SNX29: variants seen among roughly 807,000 people sequenced by gnomAD.
The protein encoded by SNX29 is sorting nexin-29.
A neutral mutation model predicts 102.1 loss-of-function variants in SNX29; 78 were observed. That is an observed-to-expected ratio of 0.76 (90% confidence interval 0.64 to 0.92). The LOEUF (loss-of-function observed/expected upper bound fraction) is 0.92. Ranked by LOEUF, SNX29 falls within the 40% of genes least tolerant of loss-of-function variation. SNX29 has a pLI of 0.00. For synonymous variants in SNX29, 580 were observed against 414.5 expected (o/e 1.40, Z -4.85); for missense variants, 1,280 against 1,061.7 (o/e 1.21, Z -2.86).
At position 12,454,244 on chromosome 16, in the gene SNX29, A is replaced by C. The variant is rs1035322266; in HGVS notation, c.2038-23475A>C. On this transcript the variant is annotated intron_variant, in intron 18 of 20. Coordinates refer to ENST00000566228, the MANE Select transcript of SNX29 (RefSeq NM_032167.5). ...GCCATGTGGTAACCTGGGGGATGGC[A>C]ACTCTGCAGCTAAGATCGCAGAGCA... is the stretch of plus-strand genomic sequence containing the variant. 4.6e-5 allele frequency among the ~76,000 whole-genome samples: 7 copies of C among 152,298 alleles called. No homozygotes were observed. The South Asian group carries it at 1.5e-3, about 32-fold the overall frequency.
At chr16:12,284,223 C>T (rs1007812709) in intron 15 of SNX29, among the ~76,000 whole-genome samples, 20 of 152,238 alleles carry the variant, frequency 1.3e-4, no homozygotes, top group Admixed American at 8.5e-4. Flanking sequence ...GCACATGTAT[C>T]GCGTGTCAGA....
chr16:12,481,975 G>C (rs1160175345), intron 19 of SNX29, among the ~76,000 whole-genome samples: 1 of 152,202 alleles, frequency 6.6e-6, no homozygotes, highest in Non-Finnish European at 1.5e-5. Flanking sequence ...AAGGAGGATT[G>C]AGTCAAGATT....
chr16:12,201,977 C>G (rs1567306036), intron 14 of SNX29, among the ~76,000 whole-genome samples: 1 of 152,134 alleles, frequency 6.6e-6, no homozygotes, highest in Non-Finnish European at 1.5e-5. Context: ...TTCATAGCAG[C>G]TGAAGGTCCA....
At chr16:12,535,864 G>T (rs535607101) in intron 20 of SNX29, among the ~76,000 whole-genome samples, 6 of 152,256 alleles carry the variant, frequency 3.9e-5, no homozygotes, top group Admixed American at 3.9e-4. Flanking sequence ...AGCCCTATTG[G>T]TGCTGTCCAA....
At chr16:12,496,823 A>T (rs1185375069) in intron 19 of SNX29, among the ~76,000 whole-genome samples, 1 of 152,128 alleles carries the variant, frequency 6.6e-6, no homozygotes, top group Non-Finnish European at 1.5e-5. Context: ...ATTTTGGAGC[A>T]GGTGATTTTT....
intron 15 of SNX29, among the ~76,000 whole-genome samples, chr16:12,323,532 A>AT (rs2151185127): frequency 6.6e-6 from 1 of 151,140 alleles, no homozygotes; most frequent in African/African-American, 2.4e-5. Context: ...AAAAAAAAAA[A>AT]TGGTGAACAA....
chr16:12,212,255 T>A (rs7194120), intron 14 of SNX29, among the ~76,000 whole-genome samples: 26,570 of 152,078 alleles, frequency 0.17, 4,794 homozygotes, highest in African/African-American at 0.46. Context: ...TTGTGTGCCA[T>A]GAGTCACATG....
At chr16:12,165,217 G>A (rs1290368660) in intron 13 of SNX29, among the ~76,000 whole-genome samples, 1 of 152,226 alleles carries the variant, frequency 6.6e-6, no homozygotes, top group Non-Finnish European at 1.5e-5. Flanking sequence ...TGGAATCTCT[G>A]TTGCTCATGT....
intron 14 of SNX29, among the ~76,000 whole-genome samples, chr16:12,207,127 G>C (rs556735199): frequency 6.6e-6 from 1 of 152,162 alleles, no homozygotes; most frequent in East Asian, 1.9e-4. Context: ...CCAGCATTTC[G>C]GGAGGCCAAG....
At chr16:12,282,605 C>T (rs1431170377) in intron 15 of SNX29, among the ~76,000 whole-genome samples, 1 of 152,190 alleles carries the variant, frequency 6.6e-6, no homozygotes. Context: ...AATGTGAGTC[C>T]TAGAACCTCA....
chr16:12,548,939 G>A (rs2077785782), intron 20 of SNX29, among the ~76,000 whole-genome samples: 1 of 152,186 alleles, frequency 6.6e-6, no homozygotes, highest in Admixed American at 6.5e-5. Flanking sequence ...GCTATGGCCT[G>A]GCATTTAGGG....
chr16:12,320,488 G>A (rs1345230668), intron 15 of SNX29, among the ~76,000 whole-genome samples: 1 of 152,226 alleles, frequency 6.6e-6, no homozygotes, highest in Non-Finnish European at 1.5e-5. Flanking sequence ...GGGAAGCAGA[G>A]GTCAGAGGCT....
chr16:12,569,734 C>G lies in SNX29; in HGVS notation c.*1105C>G. On this transcript the variant is annotated 3_prime_UTR_variant, in exon 21 of 21. Transcript: ENST00000566228. ...TGGGGACCAGCAGCTGGGCAGCCCC[C>G]AGGGCTCCTCCTCCAGTGAGCTCAC... The G allele has an allele frequency of 4.3e-6, 1 of 230,630 alleles. No homozygotes were observed. The allele number at this position is 230,630 out of a possible 1,614,324, so 14.3% of individuals were successfully genotyped here. A position where few individuals can be genotyped will look rare whatever the true frequency, so the allele number is the denominator to read the frequency against.
At chr16:12,093,057 G>A (rs1267066573) in intron 11 of SNX29, among the ~76,000 whole-genome samples, 1 of 152,148 alleles carries the variant, frequency 6.6e-6, no homozygotes, top group African/African-American at 2.4e-5. Context: ...GCTGTCTTAT[G>A]GAGTTTGTAG....
intron 14 of SNX29, among the ~76,000 whole-genome samples, chr16:12,272,681 A>T (rs1267218150): frequency 6.6e-6 from 1 of 152,108 alleles, no homozygotes; most frequent in East Asian, 1.9e-4. Context: ...GTACATAGAT[A>T]AAGTCATTGG....
At position 12,025,314 on chromosome 16, in the gene SNX29, A is replaced by AG. The variant is rs1340421250; in HGVS notation, c.123-2006_123-2005insG. ...CAAAACTCCATCTCAAAAAAAAAAA[A>AG]AAAAAAAAAAGTGCCTGTGTGTACA... On this transcript the variant is annotated intron_variant, in intron 3 of 20. Coordinates refer to ENST00000566228, the MANE Select transcript of SNX29 (RefSeq NM_032167.5). Among the ~76,000 whole-genome samples, 5 of 151,308 alleles carry AG rather than the reference A, an allele frequency of 3.3e-5. No homozygotes were observed. The East Asian group carries it at 9.7e-4, about 29-fold the overall frequency.
intron 14 of SNX29, among the ~76,000 whole-genome samples, chr16:12,211,120 A>G (rs1192332358): frequency 6.6e-6 from 1 of 152,172 alleles, no homozygotes; most frequent in African/African-American, 2.4e-5. Context: ...TGATTTGTGC[A>G]GAGTACAAGG....
intron 20 of SNX29, among the ~76,000 whole-genome samples, chr16:12,548,432 A>AT (rs2077746910): frequency 6.6e-6 from 1 of 152,170 alleles, no homozygotes; most frequent in Non-Finnish European, 1.5e-5. Context: ...ACTGTGCCAC[A>AT]TCCCTGTACC....
intron 11 of SNX29, among the ~76,000 whole-genome samples, chr16:12,095,513 A>G (rs927879777): frequency 2.6e-5 from 4 of 152,168 alleles, no homozygotes; most frequent in African/African-American, 9.7e-5. Flanking sequence ...TTCTAGTTGA[A>G]AAACATCAAG....
Sources: gnomAD v4.1 joint callset for allele counts (sites outside exome capture counted in the v4.1 genomes callset) on GRCh38, gnomAD v4.1.1 for gene constraint, MANE v1.5 for transcripts, NCBI Gene and HGNC (gene_info 2026-07-23, HGNC 2026-07-21) for gene names.